PAK5: variants seen among roughly 807,000 people sequenced by gnomAD.
PAK5 encodes the protein p21 (RAC1) activated kinase 5.
A neutral mutation model predicts 65.9 loss-of-function variants in PAK5; 16 were observed. The observed-to-expected ratio is 0.24, with a 90% CI of 0.16 to 0.37. PAK5 has a LOEUF of 0.37. Among genes scored for constraint, PAK5 ranks in the 10% least tolerant of loss-of-function variants. The pLI, the probability that PAK5 is intolerant of heterozygous loss-of-function variation, is 1.00. For missense variants in PAK5, 785 were observed against 903.9 expected (o/e 0.87, Z 1.69); for synonymous variants, 371 against 354.9 (o/e 1.05, Z -0.51).
At chr20:9,744,092 AG>A (rs1196668553) in intron 1 of PAK5, among the ~76,000 whole-genome samples, 1 of 152,222 alleles carries the variant, frequency 6.6e-6, no homozygotes, top group Non-Finnish European at 1.5e-5. Flanking sequence ...AGCTGGAAGA[AG>A]CAAGGAACAG....
intron 2 of PAK5, among the ~76,000 whole-genome samples, chr20:9,683,816 T>C (rs1479361186): frequency 6.6e-6 from 1 of 152,158 alleles, no homozygotes; most frequent in African/African-American, 2.4e-5. Flanking sequence ...CTTCCTGGGA[T>C]CAAGCAATCT....
chr20:9,802,398 A>C (rs2049179644), intron 1 of PAK5, among the ~76,000 whole-genome samples: 1 of 152,114 alleles, frequency 6.6e-6, no homozygotes, highest in African/African-American at 2.4e-5. Context: ...TGATAAACGC[A>C]GACATTTTAT....
chr20:9,780,203 T>C (rs2072008092), intron 1 of PAK5, among the ~76,000 whole-genome samples: 1 of 151,636 alleles, frequency 6.6e-6, no homozygotes, highest in Non-Finnish European at 1.5e-5. Context: ...ATAACACTTC[T>C]AGAACCCTTT....
At chr20:9,604,363 C>G (rs1040672815) in intron 3 of PAK5, among the ~76,000 whole-genome samples, 2 of 152,346 alleles carry the variant, frequency 1.3e-5, no homozygotes, top group African/African-American at 4.8e-5. Context: ...GACCCTCTCC[C>G]CTGTATGTGA....
chr20:9,723,274 A>G (rs1048765077), intron 1 of PAK5, among the ~76,000 whole-genome samples: 4 of 152,120 alleles, frequency 2.6e-5, no homozygotes, highest in African/African-American at 7.2e-5. Flanking sequence ...GAACAGTGAG[A>G]CGTGGTTCAA....
At chr20:9,560,227 T>C (rs1215234050) in intron 6 of PAK5, among the ~76,000 whole-genome samples, 2 of 152,220 alleles carry the variant, frequency 1.3e-5, no homozygotes, top group African/African-American at 4.8e-5. Flanking sequence ...TGGAGAATCG[T>C]TGGTGCATTT....
chr20:9,578,585 T>C (rs1416578708), intron 4 of PAK5, among the ~76,000 whole-genome samples: 1 of 152,120 alleles, frequency 6.6e-6, no homozygotes, highest in Non-Finnish European at 1.5e-5. Context: ...AAATCTTAGA[T>C]AAAAAAATAA....
chr20:9,799,128 T>A (rs934399111), intron 1 of PAK5, among the ~76,000 whole-genome samples: 4 of 152,188 alleles, frequency 2.6e-5, no homozygotes, highest in Non-Finnish European at 5.9e-5. Context: ...TCAGCCACTT[T>A]TAGAAAAAAT....
intron 9 of PAK5, among the ~76,000 whole-genome samples, chr20:9,540,738 T>C (rs1487869221): frequency 2.5e-5 from 3 of 118,272 alleles, no homozygotes; most frequent in Non-Finnish European, 3.8e-5. Context: ...TTTTAGTCAC[T>C]TTTTTTTTTT....
chr20:9,614,495 C>T (rs560697016), intron 3 of PAK5, among the ~76,000 whole-genome samples: 15 of 152,218 alleles, frequency 9.9e-5, no homozygotes, highest in Admixed American at 3.3e-4. Flanking sequence ...ACACCAACCA[C>T]GATGAATGTC....
At chr20:9,709,768 T>C (rs2048055727) in intron 2 of PAK5, among the ~76,000 whole-genome samples, 1 of 152,182 alleles carries the variant, frequency 6.6e-6, no homozygotes, top group Admixed American at 6.5e-5. Flanking sequence ...TATCGTTCAG[T>C]TGAGCTATCA....
chr20:9,836,297 G>A (rs1022989001), intron 1 of PAK5, among the ~76,000 whole-genome samples: 11 of 152,106 alleles, frequency 7.2e-5, no homozygotes, highest in South Asian at 2.1e-4. Context: ...TGAATATGAC[G>A]TTTAGAAATC....
intron 1 of PAK5, among the ~76,000 whole-genome samples, chr20:9,789,810 A>G (rs1003352995): frequency 6.6e-6 from 1 of 152,166 alleles, no homozygotes; most frequent in African/African-American, 2.4e-5. Flanking sequence ...TGATGGTTAC[A>G]AAGTCACTCT....
At chr20:9,682,534 C>T (rs1239116994) in intron 2 of PAK5, among the ~76,000 whole-genome samples, 1 of 152,152 alleles carries the variant, frequency 6.6e-6, no homozygotes, top group African/African-American at 2.4e-5. Flanking sequence ...AAGCACAAAG[C>T]AGTGGCCAAA....
chr20:9,547,806 C>T (rs1210998709), intron 7 of PAK5, among the ~76,000 whole-genome samples: 1 of 152,118 alleles, frequency 6.6e-6, no homozygotes, highest in East Asian at 1.9e-4. Flanking sequence ...TTTTCAGAAC[C>T]TCAAGCCCCA....
intron 2 of PAK5, among the ~76,000 whole-genome samples, chr20:9,667,045 G>T (rs1255951102): frequency 6.6e-6 from 1 of 152,210 alleles, no homozygotes; most frequent in Non-Finnish European, 1.5e-5. Flanking sequence ...GGGAAGCCAA[G>T]GCTGGTGGAT....
chr20:9,574,360 G>A (rs1428196824), intron 4 of PAK5, among the ~76,000 whole-genome samples: 2 of 152,132 alleles, frequency 1.3e-5, no homozygotes, highest in Non-Finnish European at 2.9e-5. Context: ...CCTCTGAATT[G>A]GCATATCCAA....
chr20:9,690,667 C>T (rs2047781007), intron 2 of PAK5, among the ~76,000 whole-genome samples: 1 of 151,748 alleles, frequency 6.6e-6, no homozygotes, highest in Non-Finnish European at 1.5e-5. Flanking sequence ...ATTTGTCCAT[C>T]AGCTCTTATC....
intron 1 of PAK5, among the ~76,000 whole-genome samples, chr20:9,784,803 A>G (rs2048975750): frequency 6.6e-6 from 1 of 152,042 alleles, no homozygotes. Context: ...GAAGAAGTAA[A>G]AAAAGAAAAA....
Sources: allele counts gnomAD v4.1 joint callset (sites outside exome capture counted in the v4.1 genomes callset), GRCh38; gene constraint gnomAD v4.1.1; transcripts MANE v1.5; gene names NCBI Gene and HGNC (gene_info 2026-07-23, HGNC 2026-07-21).